Variants in HDAC8 observed in about 807,000 individuals in gnomAD.
HDAC8 encodes histone deacetylase 8.
A neutral mutation model predicts 32.2 loss-of-function variants in HDAC8; 1 was observed. The observed-to-expected ratio is 0.03, with a 90% CI of 0.01 to 0.15. The LOEUF is 0.15. HDAC8 is among the 10% of genes least tolerant of loss of function. The pLI is 1.00. For missense variants in HDAC8, 117 were observed against 300.0 expected, an observed-to-expected ratio of 0.39 and a Z score of 4.51; for synonymous variants, 108 against 113.9, an observed-to-expected ratio of 0.95 and a Z score of 0.33.
intron 4 of HDAC8, among the ~76,000 whole-genome samples, chrX:72,521,635 T>C (rs1203576098): frequency 9.0e-6 from 1 of 111,267 alleles, no homozygotes. Context: ...AAGGCCAAAT[T>C]TGGGATAATT....
At chrX:72,566,327 A>C (rs1195081740) in intron 4 of HDAC8, among the ~76,000 whole-genome samples, 1 of 111,790 alleles carries the variant, frequency 8.9e-6, no homozygotes, top group Non-Finnish European at 1.9e-5. Flanking sequence ...CAAACAAACA[A>C]ACAAACAAAG....
intron 7 of HDAC8, among the ~76,000 whole-genome samples, chrX:72,484,754 TA>T (rs1327500411): frequency 8.9e-6 from 1 of 111,964 alleles, no homozygotes; most frequent in African/African-American, 3.2e-5. Context: ...AATAGTGCCC[TA>T]CTATTTATCA....
At chrX:72,411,911 C>G (rs185848422) in intron 9 of HDAC8, among the ~76,000 whole-genome samples, 1 of 111,855 alleles carries the variant, frequency 8.9e-6, no homozygotes, top group East Asian at 2.8e-4. Flanking sequence ...CTATGCTGGG[C>G]ACTCATTGTG....
At chrX:72,493,338 G>A (rs1207227212) in intron 5 of HDAC8, among the ~76,000 whole-genome samples, 2 of 111,587 alleles carry the variant, frequency 1.8e-5, no homozygotes, top group Non-Finnish European at 3.8e-5. Flanking sequence ...TAAAGAGTGT[G>A]GACTACCTTG....
chrX:72,368,282 A>C (rs1555955087), intron 9 of HDAC8, among the ~76,000 whole-genome samples: 2 of 111,124 alleles, frequency 1.8e-5, no homozygotes, highest in African/African-American at 6.6e-5. Flanking sequence ...ACCCAGCTCA[A>C]ATGTAACCTC....
In HDAC8 at chrX:72,477,614, C is replaced by G. The variant is rs977292133; in HGVS notation, c.737+11319G>C. 3.2e-4 allele frequency among the ~76,000 whole-genome samples: 36 copies of G among 112,339 alleles called. 1 individual carries two copies. The highest frequency in any genetic ancestry group is 1.0e-3 in the African/African-American group (32 of 30,916). ...CAGATGATTGGAAATCTCTGCAATG[C>G]CGTCATACAATGAGGTGTGCAAGAA... On this transcript the variant is annotated intron_variant, in intron 7 of 10. Transcript: ENST00000373573.
intron 4 of HDAC8, among the ~76,000 whole-genome samples, chrX:72,515,711 G>A (rs1436290313): frequency 9.0e-6 from 1 of 111,311 alleles, no homozygotes; most frequent in Non-Finnish European, 1.9e-5. Flanking sequence ...ATGTGATAGA[G>A]CAGTGGGGTG....
chrX:72,340,267 G>T (rs1007990753), intron 10 of HDAC8, among the ~76,000 whole-genome samples: 1 of 111,556 alleles, frequency 9.0e-6, no homozygotes, highest in Non-Finnish European at 1.9e-5. Flanking sequence ...GCTGGGCCCC[G>T]GCAGTTGTCT....
rs1185767079 is a variant in HDAC8 at position 72,428,076 on chromosome X, G to C, written c.1005+33928C>G. Among the ~76,000 whole-genome samples, 4 of 111,914 alleles carry C rather than the reference G, an allele frequency of 3.6e-5. No individual in the cohort carries two copies. The Admixed American group carries it at 3.8e-4, about 11-fold the overall frequency. ...TTAAACCAATGATTCCATGTCTCTG[G>C]CCCCCCTTTAGATTATGAATCCTTC... On this transcript the variant is annotated intron_variant, in intron 9 of 10. Coordinates refer to ENST00000373573, the MANE Select transcript of HDAC8 (RefSeq NM_018486.3).
Position 72,351,841 on chromosome X carries a change from G to T in HDAC8, c.1006-3C>A. 5 of 1,180,470 alleles carry T rather than the reference G, an allele frequency of 4.2e-6. No homozygotes were observed. Among genetic ancestry groups the T allele is most frequent in the Non-Finnish European group, 5.8e-6 (5 of 869,046 alleles). On this transcript the variant is annotated splice_region_variant and splice_polypyrimidine_tract_variant and intron_variant, in intron 9 of 10. Transcript: ENST00000373573. The stretch of plus-strand genomic sequence containing the variant: ...TCAGGACCATATGCTGTGAAAAACT[G>T]TAAGGAAAAGGGAAAGGCCAAAAAA...
intron 7 of HDAC8, 125 bp downstream of exon 7, chrX:72,488,808 C>T: frequency 2.6e-6 from 1 of 385,097 alleles, no homozygotes; most frequent in East Asian, 4.1e-5. Context: ...GACCAGTATA[C>T]AAAAGCTTTA....
At chrX:72,392,747 C>G (rs979490769) in intron 9 of HDAC8, among the ~76,000 whole-genome samples, 1 of 112,032 alleles carries the variant, frequency 8.9e-6, no homozygotes, top group Non-Finnish European at 1.9e-5. Flanking sequence ...AACCCTTTTT[C>G]TGTTCTGAAA....
In HDAC8 at chrX:72,361,544, G is replaced by C. The variant is rs190912986; in HGVS notation, c.1006-9706C>G. Among the ~76,000 whole-genome samples, 30 of 110,682 alleles carry C rather than the reference G, an allele frequency of 2.7e-4. 1 individual carries two copies. The East Asian group carries it at 5.7e-3, about 21-fold the overall frequency. On this transcript the variant is annotated intron_variant, in intron 9 of 10. Coordinates refer to ENST00000373573, the MANE Select transcript of HDAC8 (RefSeq NM_018486.3). ...CTTATTTCATTAGCTAAAGTACTTA[G>C]AGGCTTTCATGAACACATATATATA...
At chrX:72,454,101 T>C (rs1248076210) in intron 9 of HDAC8, among the ~76,000 whole-genome samples, 1 of 112,228 alleles carries the variant, frequency 8.9e-6, no homozygotes, top group African/African-American at 3.2e-5. Context: ...CTACACAAAA[T>C]ATTGAAAAAT....
chrX:72,402,608 A>G (rs1569271340), intron 9 of HDAC8, among the ~76,000 whole-genome samples: 1 of 110,457 alleles, frequency 9.1e-6, no homozygotes, highest in Non-Finnish European at 1.9e-5. Context: ...TTGACCCATT[A>G]GTTATTTAGA....
intron 4 of HDAC8, among the ~76,000 whole-genome samples, chrX:72,526,891 T>C (rs1468932027): frequency 3.6e-5 from 4 of 111,274 alleles, no homozygotes; most frequent in African/African-American, 1.3e-4. Flanking sequence ...TCCTCTGCCA[T>C]TGGCTTCATT....
intron 9 of HDAC8, among the ~76,000 whole-genome samples, chrX:72,437,171 G>A: frequency 9.0e-6 from 1 of 111,542 alleles, no homozygotes; most frequent in South Asian, 3.8e-4. Context: ...CTAGACAGTG[G>A]GTGCAGCCCA....
intron 9 of HDAC8, among the ~76,000 whole-genome samples, chrX:72,458,616 A>G (rs782500137): frequency 8.9e-6 from 1 of 111,932 alleles, no homozygotes; most frequent in Non-Finnish European, 1.9e-5. Flanking sequence ...ATATTGAGAC[A>G]CTTACTCAAA....
chrX:72,552,227 T>C (rs1388829021), intron 4 of HDAC8, among the ~76,000 whole-genome samples: 1 of 110,810 alleles, frequency 9.0e-6, no homozygotes, highest in African/African-American at 3.3e-5. Context: ...TCTGGGAAGC[T>C]GAGGTGGGAG....
Sources: allele counts gnomAD v4.1 joint callset (sites outside exome capture counted in the v4.1 genomes callset), GRCh38; gene constraint gnomAD v4.1.1; transcripts MANE v1.5; gene names NCBI Gene and HGNC (gene_info 2026-07-23, HGNC 2026-07-21).